IL22RA1: variants seen among roughly 807,000 people sequenced by gnomAD.
IL22RA1 encodes interleukin-22 receptor subunit alpha-1.
In IL22RA1, 25 loss-of-function variants were observed where a neutral mutation model predicts 32.8. That is an observed-to-expected ratio of 0.76 (90% CI 0.55 to 1.06). The LOEUF is 1.06. Ranked by LOEUF, IL22RA1 falls within the 50% of genes least tolerant of loss-of-function variation. The pLI is 0.00. For missense variants in IL22RA1, 709 were observed against 727.4 expected (o/e 0.97, Z 0.29); for synonymous variants, 305 against 305.0 (o/e 1.00, Z 0.00).
intron 3 of IL22RA1, chr1:24,134,769 C>G (rs1569576510): frequency 1.2e-6 from 1 of 835,188 alleles, no homozygotes; most frequent in South Asian, 5.5e-5. Context: ...TCAATGACAT[C>G]AACTACACAT....
intron 1 of IL22RA1, among the ~76,000 whole-genome samples, chr1:24,141,688 C>T (rs1379507057): frequency 6.6e-6 from 1 of 152,198 alleles, no homozygotes; most frequent in Non-Finnish European, 1.5e-5. Flanking sequence ...CTCCTCGCTC[C>T]TTTTCCTCCT....
chr1:24,140,884 C>T (rs186379803), intron 1 of IL22RA1, among the ~76,000 whole-genome samples: 1 of 152,362 alleles, frequency 6.6e-6, no homozygotes, highest in East Asian at 1.9e-4. Flanking sequence ...GTCTGTGCCT[C>T]TCCTTCCCCA....
In IL22RA1 at chr1:24,134,264, A is replaced by C; in HGVS notation, c.478T>G (p.Phe160Val). 1 of 1,611,846 alleles carries C rather than the reference A, an allele frequency of 6.2e-7. No individual in the cohort carries two copies. Among genetic ancestry groups the C allele is most frequent in the Non-Finnish European group, 8.5e-7 (1 of 1,178,914 alleles). ...TCTAAGTGGTAGAACAGGTCATGGA[A>C]GATGTCTTCCAGGGTTAGCCGGTGG... ...DGHRLTLEDIFHDLFYHLELQ... is the reference protein window; with the variant it reads ...DGHRLTLEDIVHDLFYHLELQ... Residue 160 changes from phenylalanine to valine, a missense_variant, in exon 4 of 7, where the codon TTC becomes GTC. Phe to Val is a conservative substitution (Grantham distance 50). Coordinates refer to ENST00000270800, the MANE Select transcript of IL22RA1 (RefSeq NM_021258.4).
At chr1:24,141,564 A>G (rs988047755) in intron 1 of IL22RA1, among the ~76,000 whole-genome samples, 3 of 152,162 alleles carry the variant, frequency 2.0e-5, no homozygotes. Flanking sequence ...GGTTGGCACC[A>G]CTTTTCAGGA....
chr1:24,122,571 A>T (rs1478832625), intron 6 of IL22RA1, among the ~76,000 whole-genome samples: 1 of 152,132 alleles, frequency 6.6e-6, no homozygotes, highest in Non-Finnish European at 1.5e-5. Flanking sequence ...CGAGGTGGGT[A>T]GATCACCTGA....
intron 5 of IL22RA1, among the ~76,000 whole-genome samples, chr1:24,125,468 C>T (rs533557322): frequency 5.6e-4 from 85 of 152,236 alleles, no homozygotes; most frequent in Non-Finnish European, 8.5e-4. Context: ...TGTTTATCTA[C>T]GGAGAGGTAG....
At position 24,128,198 on chromosome 1, in the gene IL22RA1, C is replaced by A. The variant is rs16829204; in HGVS notation, c.613G>T (p.Val205Phe). ...TEFLGTIMIC[V>F]PTWAKESAPY... ...GCACTCTCCTTGGCCCAGGTGGGAA[C>A]GCAAATCATGATGGTGCCAAGGAAC... Residue 205 changes from valine (V) to phenylalanine (F), a missense_variant, in exon 5 of 7, where the codon GTT (valine) becomes TTT (phenylalanine). Val to Phe is a conservative substitution (Grantham distance 50, BLOSUM62 -1). Coordinates refer to ENST00000270800, the MANE Select transcript of IL22RA1 (RefSeq NM_021258.4). The A allele has an allele frequency of 6.2e-7, 1 of 1,603,174 alleles. No homozygotes were observed. Among genetic ancestry groups the A allele is most frequent in the Non-Finnish European group, 8.5e-7 (1 of 1,174,728 alleles).
intron 6 of IL22RA1, among the ~76,000 whole-genome samples, chr1:24,122,610 A>T (rs1222233712): frequency 6.6e-6 from 1 of 152,104 alleles, no homozygotes; most frequent in Non-Finnish European, 1.5e-5. Flanking sequence ...AGCCTGGCCA[A>T]CATGGTAAAA....
chr1:24,121,698 T>G lies in IL22RA1; in HGVS notation c.832A>C (p.Ile278Leu). The part of the protein sequence containing the change: ...RVLTFQPLRF[I>L]QEHVLIPVFD... ...ACAGGGATCAGGACGTGCTCCTGGA[T>G]GAAGCGCAGCGGCTGGAAAGTCAGG... is the stretch of plus-strand genomic sequence containing the variant. Residue 278 changes from isoleucine (I) to leucine (L), a missense_variant, in exon 7 of 7, where the codon ATC (isoleucine) becomes CTC (leucine). Ile to Leu is a conservative substitution (Grantham distance 5). Transcript: ENST00000270800. 6.4e-7 allele frequency: 1 copy of G among 1,573,988 alleles called. No individual in the cohort carries two copies. Among genetic ancestry groups the G allele is most frequent in the Non-Finnish European group, 8.6e-7 (1 of 1,156,912 alleles).
Position 24,138,723 on chromosome 1 carries a change from G to C in IL22RA1, c.44-9C>G. 6.2e-7 allele frequency: 1 copy of C among 1,613,524 alleles called. No homozygotes were observed. Among genetic ancestry groups the C allele is most frequent in the Non-Finnish European group, 8.5e-7 (1 of 1,179,784 alleles). On this transcript the variant is annotated splice_polypyrimidine_tract_variant and intron_variant, in intron 1 of 6. Transcript: ENST00000270800. ...GTCCTCAGGGGCGTGAGCTGCAGGA[G>C]GGTGGGAGGAGGGTGAGCAGGGGCT...
Position 24,121,108 on chromosome 1 carries a change from T to C in IL22RA1, c.1422A>G (p.Arg474=). The change falls in exon 7 of 7, where the codon AGA becomes AGG. Residue 474 remains arginine (R), a synonymous_variant. Coordinates refer to ENST00000270800, the MANE Select transcript of IL22RA1 (RefSeq NM_021258.4). ...LHQPLGICTD[R]TSDPNVLHSG... The stretch of plus-strand genomic sequence containing the variant: ...TGTGTAGCACATTTGGGTCAGATGT[T>C]CTGTCTGTGCAAATCCCCAGGGGCT... 1 of 1,614,170 alleles carries C rather than the reference T, an allele frequency of 6.2e-7. No homozygotes were observed.
In IL22RA1 at chr1:24,139,526, G is replaced by A. The variant is rs115661597; in HGVS notation, c.44-812C>T. Among the ~76,000 whole-genome samples the A allele has an allele frequency of 1.6e-3, 242 of 152,250 alleles. 1 individual carries two copies. The highest frequency in any genetic ancestry group is 2.9e-3 in the Non-Finnish European group (199 of 68,010). On this transcript the variant is annotated intron_variant, in intron 1 of 6. Coordinates refer to ENST00000270800, the MANE Select transcript of IL22RA1 (RefSeq NM_021258.4). ...AAGAACTGTCGAACTATTTTCTAAA[G>A]TGGCCACACCATTTTTTTGGTCTTT...
chr1:24,140,806 A>T (rs1644276092), intron 1 of IL22RA1, among the ~76,000 whole-genome samples: 1 of 152,228 alleles, frequency 6.6e-6, no homozygotes, highest in Admixed American at 6.5e-5. Flanking sequence ...GGAAATAAAC[A>T]GGTGGGAAAA....
intron 5 of IL22RA1, among the ~76,000 whole-genome samples, chr1:24,126,246 A>G (rs72648571): frequency 0.038 from 5,853 of 152,340 alleles, 132 homozygotes; most frequent in Middle Eastern, 0.068. Context: ...GGCATGCCCC[A>G]TGCAAGTGGC....
intron 4 of IL22RA1, among the ~76,000 whole-genome samples, chr1:24,130,937 T>G (rs1366141136): frequency 6.6e-6 from 1 of 152,184 alleles, no homozygotes; most frequent in African/African-American, 2.4e-5. Flanking sequence ...ACTCCTGACC[T>G]CAAGTGATCC....
intron 1 of IL22RA1, among the ~76,000 whole-genome samples, chr1:24,139,796 G>T (rs1020999156): frequency 3.9e-5 from 6 of 152,180 alleles, no homozygotes; most frequent in African/African-American, 1.4e-4. Flanking sequence ...TGTTTGAGGG[G>T]TTCAGTTTCT....
Position 24,138,593 on chromosome 1 carries a change from G to A in IL22RA1, c.165C>T (p.Ile55=), listed in dbSNP as rs779925405. Residue 55 remains isoleucine, a synonymous_variant, in exon 2 of 7, where the codon ATC becomes ATT. Coordinates refer to ENST00000270800, the MANE Select transcript of IL22RA1 (RefSeq NM_021258.4). ...PEGTPDTVYS[I]EYKTYGERDW... The stretch of plus-strand genomic sequence containing the variant: ...AGAGAGAAGCCTACGTCTTATACTC[G>A]ATGCTGTAGACCGTGTCTGGGGTGC... 6.8e-6 allele frequency: 11 copies of A among 1,614,014 alleles called. No individual in the cohort carries two copies. The South Asian group carries it at 8.8e-5, about 13-fold the overall frequency.
chr1:24,133,724 A>C (rs1644222028), intron 4 of IL22RA1, among the ~76,000 whole-genome samples: 2 of 152,196 alleles, frequency 1.3e-5, no homozygotes, highest in African/African-American at 2.4e-5. Context: ...GTTAAACAAA[A>C]AACAATGTAA....
Position 24,142,137 on chromosome 1 carries a change from T to A in IL22RA1, c.43+903A>T, listed in dbSNP as rs566815756. Among the ~76,000 whole-genome samples, 3 of 152,244 alleles carry A rather than the reference T, an allele frequency of 2.0e-5. No homozygotes were observed. The South Asian group carries it at 6.2e-4, about 32-fold the overall frequency. On this transcript the variant is annotated intron_variant, in intron 1 of 6. Transcript: ENST00000270800. Reference sequence around the variant, plus strand: ...CTTCCTGGAACGCCCAGCTTGATGCTGGGAAGCAGACTGGAGGGGGTCCCA... The same window carrying A: ...CTTCCTGGAACGCCCAGCTTGATGCAGGGAAGCAGACTGGAGGGGGTCCCA...
Sources: gnomAD v4.1 joint callset for allele counts (sites outside exome capture counted in the v4.1 genomes callset) on GRCh38, gnomAD v4.1.1 for gene constraint, MANE v1.5 for transcripts, NCBI Gene and HGNC (gene_info 2026-07-23, HGNC 2026-07-21) for gene names.